The following SLC1A1 variants were observed in gnomAD, a reference collection of about 807,000 sequenced individuals.
SLC1A1 encodes the protein solute carrier family 1 member 1, also known as excitatory amino acid transporter 3.
Under a neutral mutation model 53.3 loss-of-function variants are expected in SLC1A1, and 43 were observed. The observed-to-expected ratio is 0.81, with a 90% CI of 0.63 to 1.04. SLC1A1 has a LOEUF of 1.04. SLC1A1 is among the 50% of genes least tolerant of loss of function. The pLI, the probability that SLC1A1 is intolerant of heterozygous loss-of-function variation, is 0.00. For synonymous variants in SLC1A1, 307 were observed against 243.2 expected (o/e 1.26, Z -2.44); for missense variants, 748 against 664.9 (o/e 1.12, Z -1.37).
At chr9:4,535,046 T>C (rs1332256237) in intron 1 of SLC1A1, among the ~76,000 whole-genome samples, 2 of 152,200 alleles carry the variant, frequency 1.3e-5, no homozygotes, top group Admixed American at 6.5e-5. Flanking sequence ...TAGGTATTGA[T>C]GGGACGTATC....
intron 1 of SLC1A1, among the ~76,000 whole-genome samples, chr9:4,500,943 G>A (rs950893039): frequency 3.3e-5 from 5 of 152,042 alleles, no homozygotes; most frequent in African/African-American, 7.2e-5. Flanking sequence ...TCCGGGCAGC[G>A]GTTCCCACTC....
chr9:4,559,624 T>TA (rs1255930518), intron 2 of SLC1A1, among the ~76,000 whole-genome samples: 1 of 152,240 alleles, frequency 6.6e-6, no homozygotes, highest in Non-Finnish European at 1.5e-5. Flanking sequence ...CATACAGGTT[T>TA]ACTGCCTTTC....
chr9:4,569,472 T>C (rs1308305005), intron 6 of SLC1A1, among the ~76,000 whole-genome samples: 1 of 152,232 alleles, frequency 6.6e-6, no homozygotes. Flanking sequence ...AAAATCAACA[T>C]GCTTTGAGAG....
At chr9:4,515,298 A>G (rs1450351780) in intron 1 of SLC1A1, among the ~76,000 whole-genome samples, 1 of 152,202 alleles carries the variant, frequency 6.6e-6, no homozygotes, top group Non-Finnish European at 1.5e-5. Context: ...AGACAGGGAC[A>G]GAGCCTCCAT....
Position 4,512,205 on chromosome 9 carries a change from C to G in SLC1A1, c.91+21435C>G, listed in dbSNP as rs151108494. On this transcript the variant is annotated intron_variant, in intron 1 of 11. Transcript: ENST00000262352. ...CAGGGATTTTTGTAGATATACCAGACAAGCTGATTCTAAAATTCATATGGA... is the reference window on the plus strand; with the variant it reads ...CAGGGATTTTTGTAGATATACCAGAGAAGCTGATTCTAAAATTCATATGGA... 5.3e-3 allele frequency among the ~76,000 whole-genome samples: 801 copies of G among 152,250 alleles called. 10 individuals are homozygous for G. The highest frequency in any genetic ancestry group is 0.018 in the African/African-American group (756 of 41,538).
intron 1 of SLC1A1, among the ~76,000 whole-genome samples, chr9:4,535,989 A>G (rs967342162): frequency 2.0e-5 from 3 of 152,212 alleles, no homozygotes; most frequent in African/African-American, 4.8e-5. Flanking sequence ...CTGGCTAGCC[A>G]TATGTAGAAA....
chr9:4,545,403 A>T (rs1459591653), intron 2 of SLC1A1, among the ~76,000 whole-genome samples: 1 of 152,210 alleles, frequency 6.6e-6, no homozygotes, highest in East Asian at 1.9e-4. Flanking sequence ...ACAAAACGTT[A>T]TCTGGGGCAT....
intron 1 of SLC1A1, among the ~76,000 whole-genome samples, chr9:4,523,138 C>A (rs933628031): frequency 6.6e-6 from 1 of 152,200 alleles, no homozygotes; most frequent in African/African-American, 2.4e-5. Flanking sequence ...GTTCAGTACC[C>A]CGCTGTGACT....
intron 1 of SLC1A1, among the ~76,000 whole-genome samples, chr9:4,507,672 G>A (rs1478940063): frequency 2.0e-5 from 3 of 152,214 alleles, no homozygotes; most frequent in East Asian, 1.9e-4. Flanking sequence ...CCTAAGGAAC[G>A]GGCTGAAGAA....
intron 1 of SLC1A1, among the ~76,000 whole-genome samples, chr9:4,530,785 T>G (rs182084431): frequency 6.6e-6 from 1 of 152,334 alleles, no homozygotes; most frequent in Non-Finnish European, 1.5e-5. Context: ...GGGATATATT[T>G]GGATATTAAT....
At position 4,490,501 on chromosome 9, in the gene SLC1A1, G is replaced by A; in HGVS notation, c.-179G>A. On this transcript the variant is annotated 5_prime_UTR_variant, in exon 1 of 12. Coordinates refer to ENST00000262352, the MANE Select transcript of SLC1A1 (RefSeq NM_004170.6). ...ACCGGGCTGGCAGGGCGGCGGGCGCGGTGCGCGATCCCGGGTGGCGGCGGC... is the reference window on the plus strand; with the variant it reads ...ACCGGGCTGGCAGGGCGGCGGGCGCAGTGCGCGATCCCGGGTGGCGGCGGC... 2.6e-6 allele frequency: 1 copy of A among 390,894 alleles called. No individual in the cohort carries two copies. Among genetic ancestry groups the A allele is most frequent in the Non-Finnish European group, 4.5e-6 (1 of 219,844 alleles). 24.2% of individuals were successfully genotyped at this position (390,894 alleles called of 1,614,324 possible).
At chr9:4,560,941 A>T (rs1258917638) in intron 2 of SLC1A1, among the ~76,000 whole-genome samples, 2 of 151,930 alleles carry the variant, frequency 1.3e-5, no homozygotes, top group African/African-American at 4.8e-5. Context: ...GGTTGTAATG[A>T]GCCGAGATCA....
rs1818404351 is a variant in SLC1A1, at chr9:4,556,516, C to T, written c.233-4933C>T. 1.3e-5 allele frequency among the ~76,000 whole-genome samples: 2 copies of T among 152,154 alleles called. No individual in the cohort carries two copies. The highest frequency in any genetic ancestry group is 2.4e-5 in the African/African-American group (1 of 41,412). ...TAGTGAACTGTAAAGAGAGGGGGTC[C>T]TTCAGACCTCGCCAGCCACCAAAGA... On this transcript the variant is annotated intron_variant, in intron 2 of 11. Coordinates refer to ENST00000262352, the MANE Select transcript of SLC1A1 (RefSeq NM_004170.6). This position sits in a 1 kb window ranked among gnomAD's most constrained non-coding sequence, Gnocchi z 4.1.
intron 8 of SLC1A1, 47 bp from the exon 9 acceptor site, chr9:4,575,954 G>A: frequency 6.2e-7 from 1 of 1,604,646 alleles, no homozygotes; most frequent in East Asian, 2.2e-5. Flanking sequence ...TAAGTGTGGG[G>A]AGGTGGTATT....
chr9:4,526,478 T>C (rs764624625), intron 1 of SLC1A1, among the ~76,000 whole-genome samples: 18 of 152,130 alleles, frequency 1.2e-4, no homozygotes, highest in Non-Finnish European at 2.2e-4. Context: ...GGACAAAAAG[T>C]AGGCTCAAAT....
chr9:4,520,030 C>G (rs955781264), intron 1 of SLC1A1, among the ~76,000 whole-genome samples: 1 of 152,128 alleles, frequency 6.6e-6, no homozygotes, highest in Non-Finnish European at 1.5e-5. Context: ...TTTGATTTAT[C>G]TTTAGACACT....
intron 1 of SLC1A1, among the ~76,000 whole-genome samples, chr9:4,529,513 T>A (rs925619211): frequency 6.6e-5 from 10 of 152,160 alleles, no homozygotes; most frequent in African/African-American, 2.4e-4. Context: ...AGTCACACAG[T>A]GTGCCATGAT....
chr9:4,528,541 A>C (rs896355657), intron 1 of SLC1A1, among the ~76,000 whole-genome samples: 3 of 152,174 alleles, frequency 2.0e-5, no homozygotes, highest in Non-Finnish European at 4.4e-5. Flanking sequence ...ACGCCACTGC[A>C]CTCCAGCCTG....
chr9:4,557,770 A>G (rs10815020), intron 2 of SLC1A1, among the ~76,000 whole-genome samples: 40,032 of 152,120 alleles, frequency 0.26, 5,718 homozygotes, highest in East Asian at 0.46. Context: ...TATCATCAGG[A>G]AGCTCTACTG....
Sources: gnomAD v4.1 joint callset for allele counts (sites outside exome capture counted in the v4.1 genomes callset) on GRCh38, gnomAD v4.1.1 for gene constraint, Gnocchi (gnomAD v3.1) non-coding constraint, MANE v1.5 for transcripts, NCBI Gene and HGNC (gene_info 2026-07-23, HGNC 2026-07-21) for gene names.